ZNF445: variants seen among roughly 807,000 people sequenced by gnomAD.
The protein encoded by ZNF445 is zinc finger protein 168.
Under a neutral mutation model 93.9 loss-of-function variants are expected in ZNF445, and 19 were observed. That is an observed-to-expected ratio of 0.20 (90% confidence interval 0.14 to 0.30). The LOEUF (loss-of-function observed/expected upper bound fraction) is 0.30. ZNF445 is among the 10% of genes least tolerant of loss of function. The probability of loss-of-function intolerance (pLI) is 1.00; values close to 1 mark genes in which losing one functional copy is unlikely to be tolerated. For missense variants in ZNF445, 1,058 were observed against 1,259.4 expected (o/e 0.84, Z 2.42); for synonymous variants, 449 against 446.3 (o/e 1.01, Z -0.08).
In ZNF445 at chr3:44,434,045, T is replaced by TA. The variant is rs1385799585; in HGVS notation, c.*12529dup. 1 of 152,164 alleles carries TA rather than the reference T, an allele frequency of 6.6e-6. No individual in the cohort carries two copies. Among genetic ancestry groups the TA allele is most frequent in the Non-Finnish European group, 1.5e-5 (1 of 68,028 alleles). 9.4% of individuals were successfully genotyped at this position (152,164 alleles called of 1,614,324 possible). A position where few individuals can be genotyped will look rare whatever the true frequency, so the allele number is the denominator to read the frequency against. On this transcript the variant is annotated 3_prime_UTR_variant, in exon 8 of 8. Transcript: ENST00000396077. ...TTCCCCAAAATGTTAAATGTGGAAT[T>TA]ATGTGATTCAGAAAATCACATACAA...
chr3:44,466,130 T>C (rs577174931), intron 1 of ZNF445, among the ~76,000 whole-genome samples: 2 of 152,330 alleles, frequency 1.3e-5, no homozygotes, highest in Non-Finnish European at 2.9e-5. Flanking sequence ...CTTCACTGGG[T>C]CTTCTTTGGA....
chr3:44,449,095 C>T (rs1559392587), intron 7 of ZNF445, among the ~76,000 whole-genome samples: 1 of 152,168 alleles, frequency 6.6e-6, no homozygotes, highest in Non-Finnish European at 1.5e-5. Context: ...GCTGAAAGGG[C>T]TGGAGATCAG....
chr3:44,449,149 G>A (rs1419977480), intron 7 of ZNF445, among the ~76,000 whole-genome samples: 2 of 152,142 alleles, frequency 1.3e-5, no homozygotes, highest in Non-Finnish European at 2.9e-5. Flanking sequence ...AACAGGAGTG[G>A]GATGAGGGCT....
At chr3:44,464,099 T>C (rs957677710) in intron 1 of ZNF445, among the ~76,000 whole-genome samples, 2 of 151,934 alleles carry the variant, frequency 1.3e-5, no homozygotes, top group Non-Finnish European at 2.9e-5. Flanking sequence ...GCACTGCAGC[T>C]TGGATGTCGC....
At chr3:44,463,706 T>C (rs1215229329) in intron 1 of ZNF445, among the ~76,000 whole-genome samples, 6 of 152,184 alleles carry the variant, frequency 3.9e-5, no homozygotes, top group African/African-American at 1.4e-4. Flanking sequence ...AGCATGCTCT[T>C]GGCCACCTGG....
chr3:44,463,906 C>A (rs910300775), intron 1 of ZNF445, among the ~76,000 whole-genome samples: 2 of 151,968 alleles, frequency 1.3e-5, no homozygotes, highest in African/African-American at 4.8e-5. Context: ...GGTGGGCGAT[C>A]ACTTGAGGTC....
rs551019300 is a variant in ZNF445 at position 44,443,160 on chromosome 3, G to A, written c.*3415C>T. ...GAGGGGTGTGGCACTCCAGGTGAAGGGAGGCAGCACAAGGCAGAACACTCT... is the reference window on the plus strand; with the variant it reads ...GAGGGGTGTGGCACTCCAGGTGAAGAGAGGCAGCACAAGGCAGAACACTCT... On this transcript the variant is annotated 3_prime_UTR_variant, in exon 8 of 8. Transcript: ENST00000396077. The A allele has an allele frequency of 6.6e-6, 1 of 152,294 alleles. No homozygotes were observed. Among genetic ancestry groups the A allele is most frequent in the Non-Finnish European group, 1.5e-5 (1 of 68,112 alleles). 9.4% of individuals were successfully genotyped at this position (152,294 alleles called of 1,614,324 possible). A position where few individuals can be genotyped will look rare whatever the true frequency, so the allele number is the denominator to read the frequency against.
chr3:44,475,428 G>C (rs1698333492), intron 1 of ZNF445, among the ~76,000 whole-genome samples: 1 of 151,882 alleles, frequency 6.6e-6, no homozygotes, highest in Non-Finnish European at 1.5e-5. Flanking sequence ...TTGAACTCCT[G>C]ACCTCAGGTG....
intron 1 of ZNF445, among the ~76,000 whole-genome samples, chr3:44,476,037 ATAAAT>A (rs930993247): frequency 6.6e-6 from 1 of 152,186 alleles, no homozygotes; most frequent in African/African-American, 2.4e-5. Context: ...GAAAAAGAAA[ATAAAT>A]TTAAGAATAG....
At chr3:44,450,419 T>C (rs368946496) in intron 6 of ZNF445, 28 bp downstream of exon 6, 16 of 1,613,876 alleles carry the variant, frequency 9.9e-6, no homozygotes, top group African/African-American at 4.0e-5. Flanking sequence ...TAAAGATGGA[T>C]AGAAGCATGA....
chr3:44,448,839 G>T, intron 7 of ZNF445, 100 bp from the exon 8 acceptor site: 1 of 1,361,038 alleles, frequency 7.3e-7, no homozygotes, highest in Non-Finnish European at 9.9e-7. Context: ...TGAGGCTTTT[G>T]CCTGACTGCC....
At position 44,445,245 on chromosome 3, in the gene ZNF445, G is replaced by C. The variant is rs1157140680; in HGVS notation, c.*1330C>G. On this transcript the variant is annotated 3_prime_UTR_variant, in exon 8 of 8. Coordinates refer to ENST00000396077, the MANE Select transcript of ZNF445 (RefSeq NM_181489.6). ...ATCTGCTGAGGCCGAGGATCCTATAGAAAATTCAGAAACGGAGTGGGGAGG... is the reference window on the plus strand; with the variant it reads ...ATCTGCTGAGGCCGAGGATCCTATACAAAATTCAGAAACGGAGTGGGGAGG... The C allele has an allele frequency of 6.6e-6, 1 of 152,290 alleles. No homozygotes were observed. Among genetic ancestry groups the C allele is most frequent in the Non-Finnish European group, 1.5e-5 (1 of 68,102 alleles). The allele number at this position is 152,290 out of a possible 1,614,324, so 9.4% of individuals were successfully genotyped here.
In ZNF445 at chr3:44,455,591, C is replaced by T. The variant is rs1698017929; in HGVS notation, c.-42G>A. 2 of 1,519,600 alleles carry T rather than the reference C, an allele frequency of 1.3e-6. No homozygotes were observed. The highest frequency in any genetic ancestry group is 4.4e-5 in the Admixed American group (2 of 45,626). The allele number at this position is 1,519,600 out of a possible 1,614,324, so 94.1% of individuals were successfully genotyped here. ...CTAACCAGAAGAGTGCGAACCAAGT[C>T]CACCTTAGACGTGGGTCCTCAGAAG... is the stretch of plus-strand genomic sequence containing the variant. On this transcript the variant is annotated 5_prime_UTR_variant, in exon 3 of 8. Transcript: ENST00000396077.
intron 1 of ZNF445, among the ~76,000 whole-genome samples, chr3:44,469,708 G>A (rs1467812700): frequency 2.6e-5 from 4 of 152,070 alleles, no homozygotes; most frequent in Non-Finnish European, 5.9e-5. Context: ...GGCAGAGGTT[G>A]CAGTGAGCCA....
chr3:44,474,414 T>A (rs1382221974), intron 1 of ZNF445, among the ~76,000 whole-genome samples: 1 of 151,954 alleles, frequency 6.6e-6, no homozygotes, highest in Non-Finnish European at 1.5e-5. Flanking sequence ...CTCGAGAGGC[T>A]GAGGCAGGAG....
chr3:44,474,124 C>T (rs1430967861), intron 1 of ZNF445, among the ~76,000 whole-genome samples: 1 of 152,146 alleles, frequency 6.6e-6, no homozygotes, highest in African/African-American at 2.4e-5. Context: ...TATCTTCCCC[C>T]AAATAATTAC....
Position 44,433,715 on chromosome 3 carries a change from G to A in ZNF445, c.*12860C>T, listed in dbSNP as rs1697611569. 6.6e-6 allele frequency: 1 copy of A among 152,254 alleles called. No homozygotes were observed. Among genetic ancestry groups the A allele is most frequent in the Non-Finnish European group, 1.5e-5 (1 of 68,078 alleles). 9.4% of individuals were successfully genotyped at this position (152,254 alleles called of 1,614,324 possible). Reference sequence around the variant, plus strand: ...ATCAGCTCACTTTCCCTCACGCCATGGCAAAAGCATCTCCATCAGGCAGGA... The same window carrying A: ...ATCAGCTCACTTTCCCTCACGCCATAGCAAAAGCATCTCCATCAGGCAGGA... On this transcript the variant is annotated 3_prime_UTR_variant, in exon 8 of 8. Coordinates refer to ENST00000396077, the MANE Select transcript of ZNF445 (RefSeq NM_181489.6).
rs1697942378 is a variant in ZNF445, at chr3:44,450,490, G to A, written c.777C>T (p.Tyr259=). The A allele has an allele frequency of 6.2e-7, 1 of 1,614,024 alleles. No homozygotes were observed. The highest frequency in any genetic ancestry group is 1.3e-5 in the African/African-American group (1 of 74,918). The change falls in exon 6 of 8, where the codon TAC becomes TAT. Residue 259 remains tyrosine (Y), a synonymous_variant. Transcript: ENST00000396077. ...GWLDSAQRNL[Y]RDVMLENYRN... Reference sequence around the variant, plus strand: ...TATAATTCTCCAGCATCACATCCCTGTACAGGTTCCTCTGAGCAGAGTCCA... The same window carrying A: ...TATAATTCTCCAGCATCACATCCCTATACAGGTTCCTCTGAGCAGAGTCCA...
intron 1 of ZNF445, among the ~76,000 whole-genome samples, chr3:44,459,138 G>A (rs1698072320): frequency 6.6e-6 from 1 of 152,092 alleles, no homozygotes; most frequent in Non-Finnish European, 1.5e-5. Flanking sequence ...CATCTCCACA[G>A]GAAGAAAAGC....
Sources: allele counts gnomAD v4.1 joint callset (sites outside exome capture counted in the v4.1 genomes callset), GRCh38; gene constraint gnomAD v4.1.1; transcripts MANE v1.5; gene names NCBI Gene and HGNC (gene_info 2026-07-23, HGNC 2026-07-21).